The following KCNMA1 variants were observed in gnomAD, a reference collection of about 807,000 sequenced individuals.
KCNMA1 encodes the protein potassium calcium-activated channel subfamily M alpha 1.
KCNMA1 carries 29 observed loss-of-function variants against 140.0 expected under a neutral mutation model. That is an observed-to-expected ratio of 0.21 (90% CI 0.15 to 0.28). The LOEUF is 0.28. Ranked by LOEUF, KCNMA1 falls within the 10% of genes least tolerant of loss-of-function variation. The pLI, the probability that KCNMA1 is intolerant of heterozygous loss-of-function variation, is 1.00. For missense variants in KCNMA1, 880 were observed against 1,602.2 expected (o/e 0.55, Z 7.70); for synonymous variants, 612 against 611.9 (o/e 1.00, Z 0.00).
At chr10:76,973,031 C>T (rs1291624305) in intron 19 of KCNMA1, 1 of 152,162 alleles carries the variant, frequency 6.6e-6, no homozygotes, top group Non-Finnish European at 1.5e-5. Context: ...AAAAGGGAGA[C>T]TTAAATTTAC....
chr10:77,000,901 T>TATATATATAG (rs2086175182), intron 19 of KCNMA1, among the ~76,000 whole-genome samples: 1 of 126,300 alleles, frequency 7.9e-6, no homozygotes, highest in Non-Finnish European at 1.7e-5. Context: ...TATATATATA[T>TATATATATAG]CCATCTGCAT....
At chr10:77,291,015 C>G (rs768050345) in intron 2 of KCNMA1, among the ~76,000 whole-genome samples, 22 of 152,170 alleles carry the variant, frequency 1.4e-4, no homozygotes, top group Admixed American at 1.0e-3. Flanking sequence ...CACCTAATGT[C>G]ATATTAGCAA....
chr10:77,449,053 C>CTCCA (rs1474465601), intron 1 of KCNMA1, among the ~76,000 whole-genome samples: 1 of 150,866 alleles, frequency 6.6e-6, no homozygotes, highest in East Asian at 2.0e-4. Context: ...CATCACTGCA[C>CTCCA]TCCAGCCTGG....
chr10:77,459,831 G>A lies in KCNMA1; in HGVS notation c.379-55808C>T, dbSNP rs369658749. Among the ~76,000 whole-genome samples, 159 of 152,296 alleles carry A rather than the reference G, an allele frequency of 1.0e-3. 1 individual carries two copies. The South Asian group carries it at 0.018, about 17-fold the overall frequency. On this transcript the variant is annotated intron_variant, in intron 1 of 27. Transcript: ENST00000286628. ...CCTTCCTCACTGCGTGGCCTTAGGC[G>A]CACTATTTGATCTCTCTGAGCCTGC...
chr10:77,582,330 G>A (rs958748196), intron 1 of KCNMA1, among the ~76,000 whole-genome samples: 3 of 152,224 alleles, frequency 2.0e-5, no homozygotes, highest in Non-Finnish European at 4.4e-5. Context: ...CTGCATCAGG[G>A]TTATTATGAG....
intron 2 of KCNMA1, among the ~76,000 whole-genome samples, chr10:77,402,311 GT>G (rs2096295016): frequency 6.6e-6 from 1 of 152,266 alleles, no homozygotes; most frequent in African/African-American, 2.4e-5. Flanking sequence ...TCACCTCCAA[GT>G]CCCCACTAGA....
intron 25 of KCNMA1, among the ~76,000 whole-genome samples, chr10:76,909,461 C>A (rs2049176937): frequency 6.6e-6 from 1 of 152,112 alleles, no homozygotes; most frequent in South Asian, 2.1e-4. Flanking sequence ...AGAAAAAGTC[C>A]AAAACCATGA....
Position 77,296,595 on chromosome 10 carries a change from C to T in KCNMA1, c.541-45339G>A, listed in dbSNP as rs547172992. On this transcript the variant is annotated intron_variant, in intron 2 of 27. Coordinates refer to ENST00000286628, the MANE Select transcript of KCNMA1 (RefSeq NM_001161352.2). ...TCATCACCCTTGATTGATCATTCTG[C>T]TGGGGACAGGACAGATTTTCCATAA... Among the ~76,000 whole-genome samples the T allele has an allele frequency of 6.6e-5, 10 of 152,206 alleles. No homozygotes were observed. In the East Asian group the frequency reaches 1.9e-3, roughly 30 times the overall value.
At chr10:77,603,742 A>G (rs972545705) in intron 1 of KCNMA1, among the ~76,000 whole-genome samples, 15 of 152,278 alleles carry the variant, frequency 9.9e-5, no homozygotes, top group African/African-American at 3.4e-4. Context: ...GCTGCCCAGT[A>G]CTAGCTCTTG....
chr10:77,531,140 G>A (rs1054887861), intron 1 of KCNMA1, among the ~76,000 whole-genome samples: 3 of 152,132 alleles, frequency 2.0e-5, no homozygotes, highest in African/African-American at 2.4e-5. Context: ...AGCACCACGC[G>A]GGGCTTCAAA....
chr10:77,428,254 A>G (rs1253986214), intron 1 of KCNMA1, among the ~76,000 whole-genome samples: 3 of 152,204 alleles, frequency 2.0e-5, no homozygotes, highest in Non-Finnish European at 4.4e-5. Flanking sequence ...CTGTCAGTGC[A>G]GAGCTGGGGT....
At chr10:77,136,183 T>A (rs993336471) in intron 5 of KCNMA1, among the ~76,000 whole-genome samples, 4 of 152,190 alleles carry the variant, frequency 2.6e-5, no homozygotes, top group African/African-American at 9.6e-5. Context: ...AATATGGAAA[T>A]ATGCTACAGA....
intron 1 of KCNMA1, among the ~76,000 whole-genome samples, chr10:77,444,573 G>A (rs181063083): frequency 4.6e-5 from 7 of 152,278 alleles, no homozygotes; most frequent in Admixed American, 4.6e-4. Flanking sequence ...CCTATCAGCT[G>A]GTCCATGAGC....
intron 14 of KCNMA1, among the ~76,000 whole-genome samples, chr10:77,050,260 A>T (rs11001993): frequency 0.081 from 12,359 of 151,650 alleles, 646 homozygotes; most frequent in Non-Finnish European, 0.12. Flanking sequence ...AGGCCAAAAC[A>T]ACTTGATCTT....
At chr10:77,600,314 T>TGGA (rs2082222080) in intron 1 of KCNMA1, among the ~76,000 whole-genome samples, 1 of 152,046 alleles carries the variant, frequency 6.6e-6, no homozygotes, top group African/African-American at 2.4e-5. Flanking sequence ...CAAAAGGTAA[T>TGGA]GGAGGAGGAG....
chr10:76,945,585 AT>A (rs1565097787), intron 22 of KCNMA1, among the ~76,000 whole-genome samples: 1 of 152,172 alleles, frequency 6.6e-6, no homozygotes, highest in African/African-American at 2.4e-5. Flanking sequence ...TTTATTGCAT[AT>A]TTTCAGCAAG....
intron 2 of KCNMA1, among the ~76,000 whole-genome samples, chr10:77,316,010 T>G (rs2080775657): frequency 6.6e-6 from 1 of 152,140 alleles, no homozygotes. Context: ...AAGAGGAAAA[T>G]ATCTCCAGTG....
intron 5 of KCNMA1, among the ~76,000 whole-genome samples, chr10:77,153,475 G>A (rs2098447691): frequency 6.6e-6 from 1 of 152,018 alleles, no homozygotes; most frequent in Non-Finnish European, 1.5e-5. Context: ...GGGCTCAAAG[G>A]ATCCTTTCAC....
chr10:76,948,044 G>A (rs963532117), intron 22 of KCNMA1, among the ~76,000 whole-genome samples: 41 of 152,050 alleles, frequency 2.7e-4, no homozygotes, highest in African/African-American at 7.0e-4. Flanking sequence ...TTGTTCTGTT[G>A]CCCAGGCTGG....
Sources: gnomAD v4.1 joint callset for allele counts (sites outside exome capture counted in the v4.1 genomes callset) on GRCh38, gnomAD v4.1.1 for gene constraint, MANE v1.5 for transcripts, NCBI Gene and HGNC (gene_info 2026-07-23, HGNC 2026-07-21) for gene names.